ABR: variants seen among roughly 807,000 people sequenced by gnomAD.
ABR encodes ABR activator of RhoGEF and GTPase, also known as active breakpoint cluster region-related protein.
Under a neutral mutation model 107.2 loss-of-function variants are expected in ABR, and 35 were observed. That is an observed-to-expected ratio of 0.33 (90% CI 0.25 to 0.43). ABR has a LOEUF of 0.43. Among genes scored for constraint, ABR ranks in the 20% least tolerant of loss-of-function variants. The probability of loss-of-function intolerance (pLI) is 1.00; values close to 1 mark genes in which losing one functional copy is unlikely to be tolerated. For missense variants in ABR, 815 were observed against 1,115.2 expected (o/e 0.73, Z 3.83); for synonymous variants, 498 against 462.0 (o/e 1.08, Z -1.00).
At chr17:1,110,619 C>T (rs912756375) in intron 2 of ABR, among the ~76,000 whole-genome samples, 4 of 152,234 alleles carry the variant, frequency 2.6e-5, no homozygotes, top group Non-Finnish European at 5.9e-5. Flanking sequence ...CCCCCCACTC[C>T]CCCCAGAATT....
At chr17:1,168,377 C>G (rs2041593551) in intron 1 of ABR, among the ~76,000 whole-genome samples, 2 of 152,220 alleles carry the variant, frequency 1.3e-5, no homozygotes, top group African/African-American at 4.8e-5. Flanking sequence ...AGGGATCTCA[C>G]TAAGGCCAGT....
intron 2 of ABR, among the ~76,000 whole-genome samples, chr17:1,124,086 G>T (rs567699957): frequency 6.6e-6 from 1 of 152,156 alleles, no homozygotes; most frequent in African/African-American, 2.4e-5. Flanking sequence ...TGGGAAGCCC[G>T]TTGCCAAGGC....
chr17:1,169,061 C>T (rs111413227), intron 1 of ABR, among the ~76,000 whole-genome samples: 1 of 152,346 alleles, frequency 6.6e-6, no homozygotes, highest in South Asian at 2.1e-4. Flanking sequence ...AAGTAACTAC[C>T]AAGGCTTTCT....
rs1017281479 is a variant in ABR at position 1,112,633 on chromosome 17, G to C, written c.247-11898C>G. On this transcript the variant is annotated intron_variant, in intron 2 of 22. Coordinates refer to ENST00000302538, the MANE Select transcript of ABR (RefSeq NM_021962.5). ...GGAGGGAGGAAGGAAGGAAGGAAGA[G>C]AGGAAGGAAGGCAGGTTAAGAAGCG... 1.2e-4 allele frequency among the ~76,000 whole-genome samples: 18 copies of C among 151,700 alleles called. 1 individual carries two copies. The highest frequency in any genetic ancestry group is 3.9e-4 in the Admixed American group (6 of 15,256).
At chr17:1,020,750 C>T (rs1044487528) in intron 16 of ABR, among the ~76,000 whole-genome samples, 3 of 152,302 alleles carry the variant, frequency 2.0e-5, no homozygotes, top group African/African-American at 7.2e-5. Flanking sequence ...CACACCTGAG[C>T]GTCCTCCAGG....
Position 1,056,765 on chromosome 17 carries a change from T to C in ABR, c.1486+233A>G, listed in dbSNP as rs1030093717. Reference sequence around the variant, plus strand: ...ACAGCACAATCTCAGTGCACCAGGGTGCCAGTTCTCCCAAGCCAGACAGAG... The same window carrying C: ...ACAGCACAATCTCAGTGCACCAGGGCGCCAGTTCTCCCAAGCCAGACAGAG... On this transcript the variant is annotated intron_variant, in intron 13 of 22. Transcript: ENST00000302538. Among the ~76,000 whole-genome samples, 8 of 152,204 alleles carry C rather than the reference T, an allele frequency of 5.3e-5. No homozygotes were observed. In the South Asian group the frequency reaches 1.5e-3, roughly 28 times the overall value.
chr17:1,109,158 G>GGAGGAGGC, intron 2 of ABR: 4 of 1,381,506 alleles, frequency 2.9e-6, no homozygotes, highest in Non-Finnish European at 3.9e-6. Flanking sequence ...GGCGGGAGGG[G>GGAGGAGGC]GGGCAGGTCT....
At position 1,078,227 on chromosome 17, in the gene ABR, C is replaced by T. The variant is rs1386322052; in HGVS notation, c.700+1103G>A. ...CCAGACCTCGGCTGGGGGTCTCTCA[C>T]GGCTGGAAACAAACCTCTCCTTCCT... On this transcript the variant is annotated intron_variant, in intron 6 of 22. Transcript: ENST00000302538. This position sits in a 1 kb window ranked among gnomAD's most constrained non-coding sequence, Gnocchi z 7.5. Among the ~76,000 whole-genome samples the T allele has an allele frequency of 1.3e-5, 2 of 152,080 alleles. No individual in the cohort carries two copies. Among genetic ancestry groups the T allele is most frequent in the South Asian group, 2.1e-4 (1 of 4,830 alleles).
intron 1 of ABR, among the ~76,000 whole-genome samples, chr17:1,175,367 G>T (rs538157360): frequency 7.9e-4 from 120 of 152,246 alleles, no homozygotes; most frequent in African/African-American, 2.6e-3. Flanking sequence ...AGCCGAGATC[G>T]CACCGCCGCA....
At chr17:1,105,808 G>C (rs1416134024) in intron 2 of ABR, among the ~76,000 whole-genome samples, 1 of 152,054 alleles carries the variant, frequency 6.6e-6, no homozygotes, top group African/African-American at 2.4e-5. Context: ...GGAGGCCACA[G>C]AGAGCCATGA....
At chr17:1,058,691 G>T in intron 11 of ABR, 54 bp downstream of exon 11, 1 of 1,592,628 alleles carries the variant, frequency 6.3e-7, no homozygotes, top group Non-Finnish European at 8.6e-7. Context: ...CACAGAGTGG[G>T]CTGCTCTGGA....
intron 1 of ABR, among the ~76,000 whole-genome samples, chr17:1,169,101 G>T (rs1269610524): frequency 6.6e-6 from 1 of 152,202 alleles, no homozygotes; most frequent in East Asian, 1.9e-4. Flanking sequence ...TGGCCCTGCA[G>T]GGGAAAGAGG....
At chr17:1,020,664 G>A (rs2071553938) in intron 16 of ABR, among the ~76,000 whole-genome samples, 2 of 152,314 alleles carry the variant, frequency 1.3e-5, no homozygotes, top group South Asian at 2.1e-4. Context: ...GTGACCTCAT[G>A]TTTGGGGCAG....
At chr17:1,046,491 G>T (rs530648695) in intron 16 of ABR, among the ~76,000 whole-genome samples, 2 of 152,154 alleles carry the variant, frequency 1.3e-5, no homozygotes. Flanking sequence ...GGCTGGTCTC[G>T]AACTCCTGAC....
At chr17:1,212,479 GCA>G (rs1172637427) in intron 1 of ABR, among the ~76,000 whole-genome samples, 1 of 152,044 alleles carries the variant, frequency 6.6e-6, no homozygotes, top group African/African-American at 2.4e-5. Context: ...GAGACGCCAG[GCA>G]CAGTGGTTCA....
intron 13 of ABR, among the ~76,000 whole-genome samples, chr17:1,056,335 G>A (rs187278437): frequency 6.6e-6 from 1 of 152,130 alleles, no homozygotes; most frequent in East Asian, 1.9e-4. Flanking sequence ...AGCCTGGGGG[G>A]GTCCAGCACA....
chr17:1,145,225 C>A (rs117062276), intron 1 of ABR, among the ~76,000 whole-genome samples: 1 of 152,074 alleles, frequency 6.6e-6, no homozygotes, highest in Non-Finnish European at 1.5e-5. Context: ...CTGAGTGATA[C>A]GATCTCCTAA....
Position 1,050,203 on chromosome 17 carries a change from G to A in ABR, c.1660-22C>T. On this transcript the variant is annotated intron_variant, in intron 15 of 22. Coordinates refer to ENST00000302538, the MANE Select transcript of ABR (RefSeq NM_021962.5). The surrounding 1 kb of genome is among the most constrained non-coding windows in gnomAD (Gnocchi z 4.6). Reference sequence around the variant, plus strand: ...ACTCCTGGGGAAAGATGGGACAAAGGGCCCTGAACCTCCGAAGCTGGGAGG... The same window carrying A: ...ACTCCTGGGGAAAGATGGGACAAAGAGCCCTGAACCTCCGAAGCTGGGAGG... 1.2e-6 allele frequency: 2 copies of A among 1,604,384 alleles called. No homozygotes were observed. The highest frequency in any genetic ancestry group is 1.3e-5 in the African/African-American group (1 of 74,654).
At chr17:1,145,108 G>A (rs1442083148) in intron 1 of ABR, among the ~76,000 whole-genome samples, 1 of 152,180 alleles carries the variant, frequency 6.6e-6, no homozygotes, top group African/African-American at 2.4e-5. Flanking sequence ...TGGGTTATCG[G>A]TATATTCTGT....
Sources: gnomAD v4.1 joint callset for allele counts (sites outside exome capture counted in the v4.1 genomes callset) on GRCh38, gnomAD v4.1.1 for gene constraint, Gnocchi (gnomAD v3.1) non-coding constraint, MANE v1.5 for transcripts, NCBI Gene and HGNC (gene_info 2026-07-23, HGNC 2026-07-21) for gene names.